Variants in PAM observed in about 807,000 individuals in gnomAD.
The protein encoded by PAM is peptidyl-glycine alpha-amidating monooxygenase.
PAM carries 72 observed loss-of-function variants against 122.1 expected under a neutral mutation model. The ratio of observed to expected loss-of-function variants is 0.59; its 90% CI spans 0.49 to 0.72. The LOEUF is 0.72. PAM is among the 30% of genes least tolerant of loss of function. PAM has a pLI of 0.00. For synonymous variants in PAM, 389 were observed against 404.4 expected (o/e 0.96, Z 0.46); for missense variants, 1,106 against 1,183.7 (o/e 0.93, Z 0.96).
At chr5:102,973,201 T>C (rs1031515971) in intron 14 of PAM, among the ~76,000 whole-genome samples, 1 of 152,182 alleles carries the variant, frequency 6.6e-6, no homozygotes, top group African/African-American at 2.4e-5. Context: ...CCCTTGGGTT[T>C]GGTGTAGGAG....
At chr5:102,953,063 G>A (rs778595126) in intron 12 of PAM, among the ~76,000 whole-genome samples, 3 of 152,090 alleles carry the variant, frequency 2.0e-5, no homozygotes, top group South Asian at 2.1e-4. Context: ...TAGAAACTAG[G>A]TTTTACAGAA....
At position 102,926,134 on chromosome 5, in the gene PAM, C is replaced by G. The variant is rs191166578; in HGVS notation, c.443-451C>G. On this transcript the variant is annotated intron_variant, in intron 6 of 25. Transcript: ENST00000438793. ...ACGGAGTCTCGCTCTGTCGCCCAGG[C>G]CGGACTGCGGACTGCAGTGGCGCAA... Among the ~76,000 whole-genome samples, 86 of 151,930 alleles carry G rather than the reference C, an allele frequency of 5.7e-4. 1 individual carries two copies. The Middle Eastern group carries it at 0.01, about 18-fold the overall frequency.
At chr5:102,908,564 T>C (rs951080423) in intron 4 of PAM, among the ~76,000 whole-genome samples, 1 of 130,468 alleles carries the variant, frequency 7.7e-6, no homozygotes, top group Non-Finnish European at 1.6e-5. Context: ...CTCAGGACTG[T>C]TGTGGGGTGT....
intron 13 of PAM, among the ~76,000 whole-genome samples, 166 bp downstream of exon 13, chr5:102,960,225 C>T (rs1762061282): frequency 6.6e-6 from 1 of 151,860 alleles, no homozygotes; most frequent in Non-Finnish European, 1.5e-5. Flanking sequence ...ATCCTATCTC[C>T]CCTCCCTGAC....
At chr5:102,831,148 C>A (rs1299750126) in intron 1 of PAM, among the ~76,000 whole-genome samples, 1 of 152,068 alleles carries the variant, frequency 6.6e-6, no homozygotes, top group Non-Finnish European at 1.5e-5. Flanking sequence ...GAACCTGGTT[C>A]TTTTGATTTC....
chr5:102,787,054 A>G, intron 1 of PAM, among the ~76,000 whole-genome samples: 1 of 152,176 alleles, frequency 6.6e-6, no homozygotes, highest in East Asian at 1.9e-4. Flanking sequence ...ACTGCTGTTG[A>G]ATTATAATGA....
At chr5:102,948,727 A>T (rs947306153) in intron 9 of PAM, among the ~76,000 whole-genome samples, 1 of 152,118 alleles carries the variant, frequency 6.6e-6, no homozygotes, top group Admixed American at 6.6e-5. Flanking sequence ...TTAAAAATAA[A>T]TCATCCATTC....
intron 1 of PAM, among the ~76,000 whole-genome samples, chr5:102,810,784 C>T (rs540547833): frequency 6.6e-5 from 10 of 152,086 alleles, no homozygotes; most frequent in South Asian, 2.1e-4. Context: ...GCCGAGATCG[C>T]GCCATTGCAT....
intron 1 of PAM, among the ~76,000 whole-genome samples, chr5:102,782,460 G>T (rs1341410184): frequency 1.3e-5 from 2 of 152,138 alleles, no homozygotes; most frequent in Admixed American, 6.6e-5. Context: ...ATGATTGACA[G>T]CTATAGAGGA....
At chr5:102,989,950 C>A in intron 15 of PAM, 1 of 175,036 alleles carries the variant, frequency 5.7e-6, no homozygotes, top group Non-Finnish European at 1.2e-5. Context: ...TCGTATTTTC[C>A]AAAGAGAGTA....
At chr5:102,756,887 T>C (rs935403798) in intron 1 of PAM, among the ~76,000 whole-genome samples, 2 of 152,220 alleles carry the variant, frequency 1.3e-5, no homozygotes, top group Non-Finnish European at 2.9e-5. Flanking sequence ...GATATAAAGA[T>C]ATAGAGTATG....
intron 5 of PAM, among the ~76,000 whole-genome samples, chr5:102,920,858 C>T (rs948382320): frequency 4.6e-5 from 7 of 151,456 alleles, no homozygotes; most frequent in African/African-American, 1.7e-4. Context: ...CCCTGAGTAA[C>T]CTTGGATTTT....
At chr5:102,926,499 C>A (rs1487891651) in intron 6 of PAM, 86 bp from the exon 7 acceptor site, 1 of 757,830 alleles carries the variant, frequency 1.3e-6, no homozygotes, top group African/African-American at 1.8e-5. Context: ...TGTTATTTCC[C>A]TTTGGAGTTC....
intron 1 of PAM, among the ~76,000 whole-genome samples, chr5:102,829,049 A>T (rs1774582337): frequency 6.6e-6 from 1 of 151,694 alleles, no homozygotes; most frequent in Non-Finnish European, 1.5e-5. Context: ...TATTTTAAAG[A>T]CTTAAAGATA....
At chr5:102,880,010 G>A (rs1409947453) in intron 3 of PAM, among the ~76,000 whole-genome samples, 10 of 152,182 alleles carry the variant, frequency 6.6e-5, no homozygotes, top group African/African-American at 2.2e-4. Flanking sequence ...GCTGGGTGCC[G>A]TGGCTCACGT....
chr5:102,824,853 T>C (rs1773110092), intron 1 of PAM, among the ~76,000 whole-genome samples: 1 of 152,200 alleles, frequency 6.6e-6, no homozygotes, highest in African/African-American at 2.4e-5. Context: ...AAATTTTATA[T>C]ATTATAAACC....
intron 15 of PAM, among the ~76,000 whole-genome samples, chr5:102,983,994 C>A (rs1770859027): frequency 6.6e-6 from 1 of 152,184 alleles, no homozygotes; most frequent in Non-Finnish European, 1.5e-5. Flanking sequence ...AACATCCCTA[C>A]AACAAATGCA....
chr5:102,833,848 A>G (rs1052920399), intron 1 of PAM, among the ~76,000 whole-genome samples: 11 of 152,160 alleles, frequency 7.2e-5, no homozygotes, highest in African/African-American at 2.4e-4. Context: ...AAGAGATCCT[A>G]CATTGGGCTA....
intron 16 of PAM, among the ~76,000 whole-genome samples, chr5:102,993,906 C>T (rs937557707): frequency 6.6e-6 from 1 of 152,040 alleles, no homozygotes; most frequent in East Asian, 1.9e-4. Flanking sequence ...CACGTTAAAC[C>T]AGTTATTTTG....
Sources: allele counts gnomAD v4.1 joint callset (sites outside exome capture counted in the v4.1 genomes callset), GRCh38; gene constraint gnomAD v4.1.1; transcripts MANE v1.5; gene names NCBI Gene and HGNC (gene_info 2026-07-23, HGNC 2026-07-21).